The following NRXN3 variants were observed in gnomAD, a reference collection of about 807,000 sequenced individuals.
NRXN3 encodes the protein neurexin III.
Under a neutral mutation model 137.6 loss-of-function variants are expected in NRXN3, and 32 were observed. The ratio of observed to expected loss-of-function variants is 0.23; its 90% CI spans 0.18 to 0.31. The LOEUF (loss-of-function observed/expected upper bound fraction) is 0.31. NRXN3 is among the 10% of genes least tolerant of loss of function. The pLI, the probability that NRXN3 is intolerant of heterozygous loss-of-function variation, is 1.00. For missense variants in NRXN3, 1,574 were observed against 2,062.5 expected (o/e 0.76, Z 4.59); for synonymous variants, 798 against 784.5 (o/e 1.02, Z -0.29).
In NRXN3 at chr14:79,353,399, T is replaced by G. The variant is rs192317135; in HGVS notation, c.3263-113822T>G. Among the ~76,000 whole-genome samples the G allele has an allele frequency of 1.2e-4, 18 of 152,252 alleles. No individual in the cohort carries two copies. In the East Asian group the frequency reaches 3.5e-3, roughly 29 times the overall value. ...GATATATGCTGAGCTTCCTCTTGCC[T>G]TCCTTTTCTCCCCCTTCATTTCTGT... On this transcript the variant is annotated intron_variant, in intron 15 of 20. Transcript: ENST00000335750.
intron 1 of NRXN3, among the ~76,000 whole-genome samples, chr14:78,235,751 T>C (rs1171352399): frequency 6.6e-6 from 1 of 152,190 alleles, no homozygotes; most frequent in East Asian, 1.9e-4. Context: ...GGAGGCTGTT[T>C]CCCCTTCTTT....
At chr14:78,247,721 G>T (rs1417555009) in intron 2 of NRXN3, among the ~76,000 whole-genome samples, 1 of 152,172 alleles carries the variant, frequency 6.6e-6, no homozygotes, top group East Asian at 1.9e-4. Flanking sequence ...TAATGAAGAG[G>T]TATCCTCACT....
At chr14:78,859,067 GT>G (rs1341985187) in intron 10 of NRXN3, among the ~76,000 whole-genome samples, 2 of 152,174 alleles carry the variant, frequency 1.3e-5, no homozygotes, top group African/African-American at 4.8e-5. Context: ...CAGGGGGGCG[GT>G]TTCCCCCATG....
intron 15 of NRXN3, among the ~76,000 whole-genome samples, chr14:79,464,404 G>A (rs1029469287): frequency 6.6e-6 from 1 of 151,816 alleles, no homozygotes; most frequent in African/African-American, 2.4e-5. Flanking sequence ...GTGAAGTTTT[G>A]TTTTTTGTTT....
intron 16 of NRXN3, among the ~76,000 whole-genome samples, chr14:79,602,065 G>T (rs1440614839): frequency 6.6e-6 from 1 of 152,172 alleles, no homozygotes; most frequent in African/African-American, 2.4e-5. Flanking sequence ...TTAAAACACT[G>T]ATCAGGCTAA....
chr14:78,411,917 C>CT (rs1167298174), intron 4 of NRXN3, among the ~76,000 whole-genome samples: 1 of 152,160 alleles, frequency 6.6e-6, no homozygotes, highest in Non-Finnish European at 1.5e-5. Context: ...TTTTATGTGT[C>CT]TATGTTTTCA....
At chr14:78,650,931 A>G (rs2097735894) in intron 5 of NRXN3, among the ~76,000 whole-genome samples, 1 of 152,228 alleles carries the variant, frequency 6.6e-6, no homozygotes, top group South Asian at 2.1e-4. Flanking sequence ...CCCAGCTTGG[A>G]AATTCTAACA....
intron 4 of NRXN3, among the ~76,000 whole-genome samples, chr14:78,324,787 G>T (rs1169265335): frequency 1.3e-5 from 2 of 152,054 alleles, no homozygotes; most frequent in African/African-American, 4.8e-5. Context: ...CTGGCCAGGG[G>T]GGAAGCCATG....
chr14:78,271,485 A>C (rs1464741783), intron 2 of NRXN3, among the ~76,000 whole-genome samples: 1 of 114,240 alleles, frequency 8.8e-6, no homozygotes, highest in Non-Finnish European at 2.1e-5. Flanking sequence ...TTAAAAAAAA[A>C]AAAAAACAAA....
chr14:78,499,143 C>G (rs193228622), intron 4 of NRXN3, among the ~76,000 whole-genome samples: 40 of 152,168 alleles, frequency 2.6e-4, no homozygotes, highest in African/African-American at 8.7e-4. Flanking sequence ...TTCTCCTCCT[C>G]ATTTTTAATT....
At chr14:78,786,053 T>C (rs1224584790) in intron 8 of NRXN3, among the ~76,000 whole-genome samples, 1 of 152,194 alleles carries the variant, frequency 6.6e-6, no homozygotes, top group Non-Finnish European at 1.5e-5. Context: ...ACCATTCATA[T>C]TTCAGGCTAA....
chr14:78,345,115 G>A (rs1342863804), intron 4 of NRXN3, among the ~76,000 whole-genome samples: 1 of 152,206 alleles, frequency 6.6e-6, no homozygotes, highest in African/African-American at 2.4e-5. Flanking sequence ...ATGTGTGTGT[G>A]TACATGTGTG....
At chr14:79,223,752 A>G (rs752538038) in intron 15 of NRXN3, among the ~76,000 whole-genome samples, 22 of 152,300 alleles carry the variant, frequency 1.4e-4, no homozygotes, top group Middle Eastern at 3.4e-3. Flanking sequence ...GTTACAGATT[A>G]TCAACATTAT....
intron 15 of NRXN3, among the ~76,000 whole-genome samples, chr14:79,151,757 CT>C (rs1489973192): frequency 1.3e-5 from 2 of 151,828 alleles, no homozygotes; most frequent in African/African-American, 4.8e-5. Context: ...TGTCAGCAGC[CT>C]CTTAGTTGCT....
intron 4 of NRXN3, among the ~76,000 whole-genome samples, chr14:78,502,946 A>G (rs941154314): frequency 2.6e-5 from 4 of 152,148 alleles, no homozygotes; most frequent in African/African-American, 4.8e-5. Flanking sequence ...TCTACATTCT[A>G]TGTGTATTTG....
intron 1 of NRXN3, among the ~76,000 whole-genome samples, chr14:78,187,000 T>C (rs1371111440): frequency 6.6e-6 from 1 of 152,224 alleles, no homozygotes; most frequent in Non-Finnish European, 1.5e-5. Context: ...ATCTTGGACA[T>C]GTGCATGCTT....
chr14:79,378,991 C>T (rs755870798), intron 15 of NRXN3, among the ~76,000 whole-genome samples: 3 of 151,994 alleles, frequency 2.0e-5, no homozygotes, highest in Non-Finnish European at 2.9e-5. Context: ...GTACTTCATA[C>T]GTTGTGTTAT....
intron 10 of NRXN3, among the ~76,000 whole-genome samples, chr14:78,900,522 T>A (rs984696793): frequency 6.6e-5 from 10 of 151,716 alleles, no homozygotes; most frequent in Non-Finnish European, 1.3e-4. Context: ...AAACATGACA[T>A]GCCTGGAAAT....
At chr14:79,157,460 G>A (rs1403292618) in intron 15 of NRXN3, among the ~76,000 whole-genome samples, 1 of 151,766 alleles carries the variant, frequency 6.6e-6, no homozygotes, top group African/African-American at 2.4e-5. Context: ...CAGAATCCCT[G>A]AGGCTTGCTT....
Sources: gnomAD v4.1 joint callset for allele counts (sites outside exome capture counted in the v4.1 genomes callset) on GRCh38, gnomAD v4.1.1 for gene constraint, MANE v1.5 for transcripts, NCBI Gene and HGNC (gene_info 2026-07-23, HGNC 2026-07-21) for gene names.